HEATR4: variants seen among roughly 807,000 people sequenced by gnomAD.
HEATR4 encodes the protein HEAT repeat containing 4, also known as HEAT repeat-containing protein 4.
HEATR4 carries 95 observed loss-of-function variants against 108.8 expected under a neutral mutation model. That is an observed-to-expected ratio of 0.87 (90% CI 0.74 to 1.04). The LOEUF (loss-of-function observed/expected upper bound fraction) is 1.04. HEATR4 is among the 50% of genes least tolerant of loss of function. The pLI is 0.00. For synonymous variants in HEATR4, 443 were observed against 459.4 expected, an observed-to-expected ratio of 0.96 and a Z score of 0.46; for missense variants, 1,152 against 1,253.8, an observed-to-expected ratio of 0.92 and a Z score of 1.23.
At chr14:73,590,621 GC>G in the HEATR4 span, among the ~76,000 whole-genome samples, 1 of 152,206 alleles carries the variant, frequency 6.6e-6, no homozygotes, top group African/African-American at 2.4e-5. Flanking sequence ...CGAGCCCTGC[GC>G]CGCGGGGAGG....
chr14:73,569,412 A>G, the HEATR4 span: 1 of 1,613,974 alleles, frequency 6.2e-7, no homozygotes, highest in South Asian at 1.1e-5. Context: ...TCAGATCATT[A>G]GGGTTCCTGC....
At chr14:73,606,158 A>T in the HEATR4 span, among the ~76,000 whole-genome samples, 1 of 152,132 alleles carries the variant, frequency 6.6e-6, no homozygotes, top group South Asian at 2.1e-4. Context: ...GGAGTTCAAG[A>T]CCAGCCTGAC....
the HEATR4 span, among the ~76,000 whole-genome samples, chr14:73,580,060 T>C: frequency 3.3e-5 from 5 of 152,052 alleles, no homozygotes; most frequent in Non-Finnish European, 7.4e-5. Context: ...ATTGTGTTAC[T>C]GCACTCCAGC....
chr14:73,588,612 C>T, the HEATR4 span, among the ~76,000 whole-genome samples: 1 of 152,134 alleles, frequency 6.6e-6, no homozygotes, highest in Non-Finnish European at 1.5e-5. Context: ...CTCCCTCCTA[C>T]TCAACATAAG....
chr14:73,479,305 C>T (rs2140237433), intron 17 of HEATR4, among the ~76,000 whole-genome samples: 1 of 151,684 alleles, frequency 6.6e-6, no homozygotes, highest in East Asian at 2.0e-4. Context: ...TTAGTAGAGA[C>T]GAGGTTTCAC....
At chr14:73,579,298 T>C in the HEATR4 span, among the ~76,000 whole-genome samples, 8 of 111,520 alleles carry the variant, frequency 7.2e-5, no homozygotes, top group East Asian at 2.9e-4. Context: ...AAAAAAACGC[T>C]GGGTGTGGTG....
chr14:73,502,195 C>G (rs889727865), intron 11 of HEATR4, among the ~76,000 whole-genome samples: 1 of 151,912 alleles, frequency 6.6e-6, no homozygotes. Context: ...GGCTGGGCCT[C>G]CTGTGCAGTC....
At chr14:73,552,100 C>G (rs1455232307) in intron 1 of HEATR4, among the ~76,000 whole-genome samples, 1 of 114,500 alleles carries the variant, frequency 8.7e-6, no homozygotes, top group African/African-American at 2.8e-5. Context: ...CTTTCATGTC[C>G]TAAAGACTTT....
intron 1 of HEATR4, among the ~76,000 whole-genome samples, chr14:73,532,891 C>T (rs1171620865): frequency 1.8e-5 from 2 of 112,666 alleles, no homozygotes; most frequent in Non-Finnish European, 1.9e-5. Flanking sequence ...GGTGGTGGAG[C>T]TTTCAGTGAG....
chr14:73,518,705 C>T (rs1887784951), intron 5 of HEATR4, among the ~76,000 whole-genome samples: 1 of 152,016 alleles, frequency 6.6e-6, no homozygotes, highest in African/African-American at 2.4e-5. Context: ...ATGCACTTTC[C>T]CTGTTAGGTG....
Position 73,535,968 on chromosome 14 carries a change from G to A in HEATR4, c.-151-5724C>T, listed in dbSNP as rs546104571. Among the ~76,000 whole-genome samples, 3 of 115,624 alleles carry A rather than the reference G, an allele frequency of 2.6e-5. 1 individual carries two copies. The highest frequency in any genetic ancestry group is 8.5e-5 in the African/African-American group (3 of 35,386). The allele number at this position is 115,624 out of a possible 152,430, so 75.9% of individuals were successfully genotyped here. On this transcript the variant is annotated intron_variant, in intron 1 of 17. Coordinates refer to ENST00000553558, the MANE Select transcript of HEATR4 (RefSeq NM_001220484.1). ...CTCTGGGCCTTAATTTACTACTACG[G>A]TTCTTGTAAGTATTAACAATTAGCT...
the HEATR4 span, among the ~76,000 whole-genome samples, chr14:73,601,581 G>C: frequency 1.3e-5 from 2 of 152,132 alleles, no homozygotes; most frequent in Non-Finnish European, 2.9e-5. Context: ...AACTACTTTA[G>C]CAATTTATAA....
At chr14:73,609,787 C>T in the HEATR4 span, among the ~76,000 whole-genome samples, 1 of 151,830 alleles carries the variant, frequency 6.6e-6, no homozygotes, top group Non-Finnish European at 1.5e-5. Context: ...ACTACAGGCA[C>T]GCACCACCAT....
At chr14:73,487,994 C>T (rs1274931995) in intron 17 of HEATR4, among the ~76,000 whole-genome samples, 1 of 152,176 alleles carries the variant, frequency 6.6e-6, no homozygotes, top group Non-Finnish European at 1.5e-5. Flanking sequence ...ACTCCAGTAC[C>T]TAGCTGAGGA....
At chr14:73,583,523 T>C in the HEATR4 span, among the ~76,000 whole-genome samples, 1,927 of 140,138 alleles carry the variant, frequency 0.014, 46 homozygotes, top group African/African-American at 0.045. Flanking sequence ...TCTCCCTCAC[T>C]CACTAGGAAT....
chr14:73,566,324 C>T, the HEATR4 span, among the ~76,000 whole-genome samples: 1 of 152,084 alleles, frequency 6.6e-6, no homozygotes, highest in African/African-American at 2.4e-5. Flanking sequence ...AGTCCCGCAC[C>T]GTGAGCCCAC....
intron 6 of HEATR4, among the ~76,000 whole-genome samples, chr14:73,513,308 A>C (rs919122982): frequency 3.3e-5 from 5 of 151,904 alleles, no homozygotes; most frequent in Non-Finnish European, 5.9e-5. Context: ...AAAACACAAA[A>C]ATTAGCCAGA....
chr14:73,549,299 C>T (rs1889285271), intron 1 of HEATR4, among the ~76,000 whole-genome samples: 1 of 114,422 alleles, frequency 8.7e-6, no homozygotes, highest in Admixed American at 9.9e-5. Flanking sequence ...TCAGGGGCGT[C>T]AGGCCTCAAT....
the HEATR4 span, among the ~76,000 whole-genome samples, chr14:73,615,115 C>A: frequency 6.7e-3 from 1,006 of 149,672 alleles, 5 homozygotes; most frequent in Middle Eastern, 0.029. Context: ...CGGCCAGGCG[C>A]GGTGGCTCAC....
Sources: gnomAD v4.1 joint callset for allele counts (sites outside exome capture counted in the v4.1 genomes callset) on GRCh38, gnomAD v4.1.1 for gene constraint, MANE v1.5 for transcripts, NCBI Gene and HGNC (gene_info 2026-07-23, HGNC 2026-07-21) for gene names.